WDR37: variants seen among roughly 807,000 people sequenced by gnomAD.
WDR37 encodes WD repeat-containing protein 37.
A neutral mutation model predicts 62.9 loss-of-function variants in WDR37; 19 were observed. That is an observed-to-expected ratio of 0.30 (90% CI 0.21 to 0.44). The LOEUF is 0.44. Among genes scored for constraint, WDR37 ranks in the 20% least tolerant of loss-of-function variants. WDR37 has a pLI of 1.00. For missense variants in WDR37, 474 were observed against 657.6 expected (o/e 0.72, Z 3.05); for synonymous variants, 250 against 260.9 (o/e 0.96, Z 0.40).
At position 1,105,588 on chromosome 10, in the gene WDR37, C is replaced by A. The variant is rs143894504; in HGVS notation, c.1103+321C>A. Among the ~76,000 whole-genome samples, 1 of 152,124 alleles carries A rather than the reference C, an allele frequency of 6.6e-6. No homozygotes were observed. Among genetic ancestry groups the A allele is most frequent in the African/African-American group, 2.4e-5 (1 of 41,436 alleles). On this transcript the variant is annotated intron_variant, in intron 11 of 13. Coordinates refer to ENST00000263150, the MANE Select transcript of WDR37 (RefSeq NM_014023.4). This position sits in a 1 kb window ranked among gnomAD's most constrained non-coding sequence, Gnocchi z 5.3. ...TGTAGCTGAGCACAGGGGCCGGCCACGCCACCATAGGAGCCGCGGGAGCTG... is the reference window on the plus strand; with the variant it reads ...TGTAGCTGAGCACAGGGGCCGGCCAAGCCACCATAGGAGCCGCGGGAGCTG...
At chr10:1,125,639 C>T (rs764775230) in intron 13 of WDR37, among the ~76,000 whole-genome samples, 75 of 152,216 alleles carry the variant, frequency 4.9e-4, no homozygotes, top group South Asian at 8.3e-4. Flanking sequence ...GTGGGGAAGC[C>T]GTCTTAGATG....
chr10:1,101,229 GAACAACAGATCCGTGTTCTA>G (rs993091779), intron 9 of WDR37, among the ~76,000 whole-genome samples: 12 of 152,304 alleles, frequency 7.9e-5, no homozygotes, highest in African/African-American at 2.4e-4. Context: ...GGTGACTTCT[GAACAACAGATCCGTGTTCTA>G]AACAACAGAT....
intron 9 of WDR37, among the ~76,000 whole-genome samples, chr10:1,097,258 C>T (rs1012516489): frequency 6.6e-6 from 1 of 152,172 alleles, no homozygotes; most frequent in Non-Finnish European, 1.5e-5. Flanking sequence ...TTTGTCTGAA[C>T]AGCCAGTTGA....
intron 7 of WDR37, among the ~76,000 whole-genome samples, chr10:1,091,202 C>T (rs1307616642): frequency 6.6e-6 from 1 of 152,190 alleles, no homozygotes; most frequent in Non-Finnish European, 1.5e-5. Context: ...CCACACCTCA[C>T]AGTGGCCCAG....
intron 1 of WDR37, among the ~76,000 whole-genome samples, chr10:1,059,188 C>T (rs1409239748): frequency 6.6e-6 from 1 of 151,470 alleles, no homozygotes; most frequent in Non-Finnish European, 1.5e-5. Context: ...CCACCCTGGC[C>T]AACATGGTGA....
intron 11 of WDR37, among the ~76,000 whole-genome samples, chr10:1,114,384 C>T (rs555877617): frequency 6.6e-6 from 1 of 152,344 alleles, no homozygotes; most frequent in South Asian, 2.1e-4. Context: ...CAGCAGCCAC[C>T]ACCCTTATCA....
chr10:1,112,894 T>C lies in WDR37; in HGVS notation c.1103+7627T>C, dbSNP rs187591469. Among the ~76,000 whole-genome samples the C allele has an allele frequency of 3.3e-5, 5 of 152,316 alleles. No homozygotes were observed. In the East Asian group the frequency reaches 9.6e-4, roughly 29 times the overall value. ...GTCTCCATAACATGAGAGTGCAAGGTGAAGCAGCAAGTGCTGATGGAGAAG... is the reference window on the plus strand; with the variant it reads ...GTCTCCATAACATGAGAGTGCAAGGCGAAGCAGCAAGTGCTGATGGAGAAG... On this transcript the variant is annotated intron_variant, in intron 11 of 13. Coordinates refer to ENST00000263150, the MANE Select transcript of WDR37 (RefSeq NM_014023.4).
At chr10:1,088,552 TTGAG>T (rs1241288748) in intron 7 of WDR37, among the ~76,000 whole-genome samples, 3 of 152,078 alleles carry the variant, frequency 2.0e-5, no homozygotes, top group Non-Finnish European at 2.9e-5. Flanking sequence ...ACAACATTTA[TTGAG>T]TAAGTTTGTG....
intron 1 of WDR37, among the ~76,000 whole-genome samples, chr10:1,068,069 A>G (rs1212954039): frequency 6.6e-6 from 1 of 152,136 alleles, no homozygotes; most frequent in Non-Finnish European, 1.5e-5. Flanking sequence ...GAGACCGGGA[A>G]GGGTGTGAGT....
At chr10:1,086,618 T>C (rs1440743876) in intron 7 of WDR37, among the ~76,000 whole-genome samples, 1 of 152,216 alleles carries the variant, frequency 6.6e-6, no homozygotes, top group Non-Finnish European at 1.5e-5. Context: ...ATATAACCCA[T>C]ATGTAGGAAA....
At chr10:1,093,565 C>T in intron 8 of WDR37, 69 bp downstream of exon 8, 1 of 1,257,572 alleles carries the variant, frequency 8.0e-7, no homozygotes, top group Non-Finnish European at 1.1e-6. Context: ...ATATTCCTTT[C>T]TTATCGTAGC....
chr10:1,081,623 A>G (rs1834031737), intron 5 of WDR37, among the ~76,000 whole-genome samples: 1 of 152,218 alleles, frequency 6.6e-6, no homozygotes, highest in Non-Finnish European at 1.5e-5. Flanking sequence ...GATAACATCT[A>G]GAATGTAAGT....
chr10:1,072,982 G>C (rs367883063), intron 2 of WDR37, among the ~76,000 whole-genome samples: 1 of 152,136 alleles, frequency 6.6e-6, no homozygotes, highest in Non-Finnish European at 1.5e-5. Flanking sequence ...TTTGGAATCA[G>C]ATCTTTTAGT....
At chr10:1,060,703 T>C (rs1337408204) in intron 1 of WDR37, among the ~76,000 whole-genome samples, 6 of 152,274 alleles carry the variant, frequency 3.9e-5, no homozygotes, top group Non-Finnish European at 8.8e-5. Context: ...GTGTTTAGTC[T>C]GTTAAATACA....
At chr10:1,098,445 A>G (rs1834673374) in intron 9 of WDR37, among the ~76,000 whole-genome samples, 1 of 150,066 alleles carries the variant, frequency 6.7e-6, no homozygotes, top group Admixed American at 6.8e-5. Flanking sequence ...CTCCTGCCTC[A>G]GCCTCCCGAG....
chr10:1,062,673 C>T (rs1360159875), intron 1 of WDR37, among the ~76,000 whole-genome samples: 1 of 152,186 alleles, frequency 6.6e-6, no homozygotes, highest in Non-Finnish European at 1.5e-5. Context: ...AATAGGCCTA[C>T]ACATATGCAA....
At chr10:1,128,951 C>T (rs924010875) in intron 13 of WDR37, among the ~76,000 whole-genome samples, 15 of 148,632 alleles carry the variant, frequency 1.0e-4, no homozygotes, top group South Asian at 2.2e-4. Flanking sequence ...GGTCCGTGCT[C>T]GGCGGTGGTT....
intron 12 of WDR37, 100 bp downstream of exon 12, chr10:1,124,452 C>G: frequency 6.6e-7 from 1 of 1,521,072 alleles, no homozygotes; most frequent in Non-Finnish European, 9.0e-7. Context: ...GATAGAACCC[C>G]GGGAACAATG....
intron 1 of WDR37, among the ~76,000 whole-genome samples, chr10:1,068,355 C>CCTGTAGTCCCAGCCGCTCGGGAGG (rs755345670): frequency 8.7e-6 from 1 of 115,412 alleles, no homozygotes; most frequent in Non-Finnish European, 1.8e-5. Flanking sequence ...GTGGCGGGCG[C>CCTGTAGTCCCAGCCGCTCGGGAGG]CTGAGGCAGG....
Sources: gnomAD v4.1 joint callset for allele counts (sites outside exome capture counted in the v4.1 genomes callset) on GRCh38, gnomAD v4.1.1 for gene constraint, Gnocchi (gnomAD v3.1) non-coding constraint, MANE v1.5 for transcripts, NCBI Gene and HGNC (gene_info 2026-07-23, HGNC 2026-07-21) for gene names.